ATXN1: variants seen among roughly 807,000 people sequenced by gnomAD.
ATXN1 encodes ataxin-1.
ATXN1 carries 8 observed loss-of-function variants against 56.4 expected under a neutral mutation model. The observed-to-expected ratio is 0.14, with a 90% CI of 0.08 to 0.26. The LOEUF (loss-of-function observed/expected upper bound fraction) is 0.26, where lower values mean the gene tolerates loss of function less well. Ranked by LOEUF, ATXN1 falls within the 10% of genes least tolerant of loss-of-function variation. The pLI, the probability that ATXN1 is intolerant of heterozygous loss-of-function variation, is 1.00. For missense variants in ATXN1, 987 were observed against 1,106.5 expected, an observed-to-expected ratio of 0.89 and a Z score of 1.53; for synonymous variants, 514 against 494.6, an observed-to-expected ratio of 1.04 and a Z score of -0.52.
chr6:16,757,822 A>G (rs374149142), intron 1 of ATXN1, among the ~76,000 whole-genome samples: 56 of 151,510 alleles, frequency 3.7e-4, no homozygotes, highest in African/African-American at 1.3e-3. Context: ...CAGCAACTAA[A>G]GCAACTTTTC....
chr6:16,399,303 T>C (rs1758518992), intron 6 of ATXN1, among the ~76,000 whole-genome samples: 1 of 152,096 alleles, frequency 6.6e-6, no homozygotes, highest in Non-Finnish European at 1.5e-5. Context: ...GTTTGGTGGG[T>C]GTATGGTGAT....
chr6:16,649,729 CTGAAGGA>C (rs1455669728), intron 3 of ATXN1, among the ~76,000 whole-genome samples: 4 of 152,054 alleles, frequency 2.6e-5, no homozygotes, highest in African/African-American at 4.8e-5. Context: ...AATATCTTAC[CTGAAGGA>C]TTATTTCTGT....
At chr6:16,519,919 C>G (rs1387045869) in intron 5 of ATXN1, among the ~76,000 whole-genome samples, 1 of 152,062 alleles carries the variant, frequency 6.6e-6, no homozygotes, top group Non-Finnish European at 1.5e-5. Flanking sequence ...TATCACAGGC[C>G]CCAGGAGGGG....
intron 4 of ATXN1, among the ~76,000 whole-genome samples, chr6:16,557,944 T>A (rs890286355): frequency 6.6e-6 from 1 of 152,208 alleles, no homozygotes; most frequent in Non-Finnish European, 1.5e-5. Context: ...TGGTTCCATT[T>A]ATATGAGATG....
intron 2 of ATXN1, among the ~76,000 whole-genome samples, chr6:16,668,964 C>T (rs1363842502): frequency 6.6e-6 from 1 of 152,022 alleles, no homozygotes; most frequent in East Asian, 1.9e-4. Context: ...CCAGAATCCA[C>T]CCCATTTTCT....
chr6:16,582,704 C>T (rs1762551437), intron 4 of ATXN1, among the ~76,000 whole-genome samples: 1 of 152,150 alleles, frequency 6.6e-6, no homozygotes, highest in South Asian at 2.1e-4. Context: ...AAGTATTTCC[C>T]ACTCTCCTGT....
chr6:16,330,390 C>CTTTT (rs60608169), intron 6 of ATXN1, among the ~76,000 whole-genome samples: 8 of 119,824 alleles, frequency 6.7e-5, no homozygotes, highest in Non-Finnish European at 1.2e-4. Flanking sequence ...TCCTTCCTTC[C>CTTTT]TTTTTTTTTT....
chr6:16,658,225 A>ATAAAGAAAAATTCAGTACGTC (rs1758245929), intron 2 of ATXN1, among the ~76,000 whole-genome samples: 1 of 152,236 alleles, frequency 6.6e-6, no homozygotes, highest in African/African-American at 2.4e-5. Context: ...AAAGATGTGA[A>ATAAAGAAAAATTCAGTACGTC]TAAAGAAAAA....
intron 5 of ATXN1, among the ~76,000 whole-genome samples, chr6:16,521,679 G>A (rs1414292448): frequency 2.6e-5 from 4 of 152,234 alleles, no homozygotes; most frequent in African/African-American, 7.2e-5. Context: ...GCAGACAACC[G>A]CGAGTCGGGT....
At chr6:16,346,323 GTGAGCCACCGCTTGGGATTACAGCCC>G (rs1332357035) in intron 6 of ATXN1, among the ~76,000 whole-genome samples, 8 of 152,158 alleles carry the variant, frequency 5.3e-5, no homozygotes, top group East Asian at 1.9e-4. Context: ...CAAAGTGGGA[GTGAGCCACCGCTTGGGATTACAGCCC>G]TGAGCCACCA....
intron 6 of ATXN1, among the ~76,000 whole-genome samples, chr6:16,390,359 A>G (rs534866134): frequency 6.6e-6 from 1 of 152,186 alleles, no homozygotes; most frequent in Admixed American, 6.5e-5. Context: ...CTTGGGCCCC[A>G]CTGAGAGCTT....
rs1760852949 is a variant in ATXN1, at chr6:16,327,638, GC to G, written c.672del (p.Gln224HisfsTer53). ...QQQQQQQQQQ[Q>X]QHLSRAPGLI... ...AGCCCCGGAGCCCTGCTGAGGTGCT[GC>G]TGCTGCTGCTGCTGCTGCTGCTGCT... is the stretch of plus-strand genomic sequence containing the variant. On this transcript the variant is annotated frameshift_variant, in exon 7 of 8. Coordinates refer to ENST00000436367, the MANE Select transcript of ATXN1 (RefSeq NM_001128164.2). LOFTEE classifies it high-confidence loss of function. 1.5e-6 allele frequency: 2 copies of G among 1,362,958 alleles called. No homozygotes were observed. The highest frequency in any genetic ancestry group is 1.1e-4 in the East Asian group (2 of 18,408). 84.4% of individuals were successfully genotyped at this position (1,362,958 alleles called of 1,614,324 possible).
intron 3 of ATXN1, among the ~76,000 whole-genome samples, chr6:16,656,182 A>C (rs1758197925): frequency 6.6e-6 from 1 of 151,876 alleles, no homozygotes; most frequent in Non-Finnish European, 1.5e-5. Context: ...TGGGGCCAGG[A>C]GGGACCCCCC....
At chr6:16,501,830 A>G (rs1760891702) in intron 5 of ATXN1, among the ~76,000 whole-genome samples, 1 of 152,178 alleles carries the variant, frequency 6.6e-6, no homozygotes, top group Admixed American at 6.5e-5. Flanking sequence ...TCCTTTGGGT[A>G]TATAACCAGT....
chr6:16,366,333 G>A (rs904236451), intron 6 of ATXN1, among the ~76,000 whole-genome samples: 1 of 152,090 alleles, frequency 6.6e-6, no homozygotes, highest in Non-Finnish European at 1.5e-5. Context: ...TTCAGAACCT[G>A]CCACCTAGCT....
chr6:16,367,460 G>A (rs1014591120), intron 6 of ATXN1, among the ~76,000 whole-genome samples: 7 of 151,798 alleles, frequency 4.6e-5, no homozygotes, highest in Non-Finnish European at 1.0e-4. Flanking sequence ...TAGATAAAGG[G>A]GAGAGCTAAT....
chr6:16,648,928 G>A (rs1763847153), intron 3 of ATXN1, among the ~76,000 whole-genome samples: 2 of 151,590 alleles, frequency 1.3e-5, no homozygotes, highest in Non-Finnish European at 2.9e-5. Context: ...GCATTAATAG[G>A]AAAAAACTCT....
intron 3 of ATXN1, among the ~76,000 whole-genome samples, chr6:16,633,074 T>G (rs1012558762): frequency 1.3e-5 from 2 of 151,956 alleles, no homozygotes; most frequent in African/African-American, 4.8e-5. Flanking sequence ...GAAAAGCACA[T>G]TTTTGAAAGT....
intron 3 of ATXN1, among the ~76,000 whole-genome samples, chr6:16,608,062 G>C (rs1205387344): frequency 6.6e-6 from 1 of 152,198 alleles, no homozygotes. Context: ...AAATTGCTAT[G>C]TGCTGAATGA....
Sources: allele counts gnomAD v4.1 joint callset (sites outside exome capture counted in the v4.1 genomes callset), GRCh38; gene constraint gnomAD v4.1.1; transcripts MANE v1.5; gene names NCBI Gene and HGNC (gene_info 2026-07-23, HGNC 2026-07-21).